DAZAP1: variants seen among roughly 807,000 people sequenced by gnomAD.
The protein encoded by DAZAP1 is DAZ-associated protein 1.
Under a neutral mutation model 60.1 loss-of-function variants are expected in DAZAP1, and 6 were observed. That is an observed-to-expected ratio of 0.10 (90% confidence interval 0.05 to 0.20). The LOEUF (loss-of-function observed/expected upper bound fraction) is 0.20. Ranked by LOEUF, DAZAP1 falls within the 10% of genes least tolerant of loss-of-function variation. The pLI, the probability that DAZAP1 is intolerant of heterozygous loss-of-function variation, is 1.00. For synonymous variants in DAZAP1, 235 were observed against 215.9 expected, an observed-to-expected ratio of 1.09 and a Z score of -0.78; for missense variants, 366 against 560.4, an observed-to-expected ratio of 0.65 and a Z score of 3.50.
intron 1 of DAZAP1, among the ~76,000 whole-genome samples, chr19:1,415,389 G>GTTT (rs111300304): frequency 7.8e-6 from 1 of 127,580 alleles, no homozygotes; most frequent in African/African-American, 3.0e-5. Flanking sequence ...GTGTGTGTGT[G>GTTT]TTTTGTTTTT....
At chr19:1,431,118 TTTTA>T (rs1009417068) in intron 10 of DAZAP1, among the ~76,000 whole-genome samples, 1 of 151,288 alleles carries the variant, frequency 6.6e-6, no homozygotes, top group Non-Finnish European at 1.5e-5. Flanking sequence ...TTTTATTTTA[TTTTA>T]TTTATTTATT....
chr19:1,422,482 T>G lies in DAZAP1; in HGVS notation c.463+86T>G. The G allele has an allele frequency of 7.4e-7, 1 of 1,357,106 alleles. No individual in the cohort carries two copies. Among genetic ancestry groups the G allele is most frequent in the Non-Finnish European group, 1.0e-6 (1 of 957,416 alleles). The allele number at this position is 1,357,106 out of a possible 1,614,324, so 84.1% of individuals were successfully genotyped here. ...ATCTCACCCGCCAGGCACACACAGG[T>G]GGCGGCTGTAGCAAACAGCCTCAGG... On this transcript the variant is annotated intron_variant, in intron 6 of 11. Transcript: ENST00000233078. This position sits in a 1 kb window ranked among gnomAD's most constrained non-coding sequence, Gnocchi z 4.5.
At position 1,421,151 on chromosome 19, in the gene DAZAP1, A is replaced by C; in HGVS notation, c.307A>C (p.Lys103Gln). The C allele has an allele frequency of 6.2e-7, 1 of 1,614,092 alleles. No individual in the cohort carries two copies. The highest frequency in any genetic ancestry group is 8.5e-7 in the Non-Finnish European group (1 of 1,179,946). ...ERTRPKEGWQKGPRSDNSKSN... is the reference protein window; with the variant it reads ...ERTRPKEGWQQGPRSDNSKSN... Reference sequence around the variant, plus strand: ...CTATCCTTCCCTTCTTCAACAGCAGAAAGGACCCAGGAGCGATAACAGTAA... The same window carrying C: ...CTATCCTTCCCTTCTTCAACAGCAGCAAGGACCCAGGAGCGATAACAGTAA... Residue 103 changes from lysine to glutamine, a missense_variant, in exon 5 of 12, where the codon AAA (lysine) becomes CAA (glutamine). Coordinates refer to ENST00000233078, the MANE Select transcript of DAZAP1 (RefSeq NM_018959.4).
rs569903875 is a variant in DAZAP1, at chr19:1,432,325, C to G, written c.872-189C>G. Reference sequence around the variant, plus strand: ...GCCACGCTCCCAGGAGTGTGTGTTTCCTGGGGGGAGCGGCCCGGGACCGTG... The same window carrying G: ...GCCACGCTCCCAGGAGTGTGTGTTTGCTGGGGGGAGCGGCCCGGGACCGTG... On this transcript the variant is annotated intron_variant, in intron 10 of 11. Coordinates refer to ENST00000233078, the MANE Select transcript of DAZAP1 (RefSeq NM_018959.4). This position sits in a 1 kb window ranked among gnomAD's most constrained non-coding sequence, Gnocchi z 4.9. The G allele has an allele frequency of 1.7e-5, 11 of 649,676 alleles. No homozygotes were observed. Among genetic ancestry groups the G allele is most frequent in the Non-Finnish European group, 3.0e-5 (11 of 368,386 alleles). The allele number at this position is 649,676 out of a possible 1,614,324, so 40.2% of individuals were successfully genotyped here.
At chr19:1,408,301 G>A (rs1317393871) in intron 1 of DAZAP1, among the ~76,000 whole-genome samples, 1 of 151,838 alleles carries the variant, frequency 6.6e-6, no homozygotes, top group Non-Finnish European at 1.5e-5. Context: ...CCTGGCCTGG[G>A]GGACCCCGAA....
At chr19:1,431,295 A>AT (rs1270488608) in intron 10 of DAZAP1, among the ~76,000 whole-genome samples, 1 of 143,004 alleles carries the variant, frequency 7.0e-6, no homozygotes, top group African/African-American at 2.6e-5. Context: ...CGCCTGGCTA[A>AT]TTTTTTTGTA....
intron 1 of DAZAP1, 171 bp from the exon 2 acceptor site, chr19:1,417,329 A>G (rs1328359426): frequency 1.4e-6 from 1 of 727,814 alleles, no homozygotes; most frequent in Admixed American, 2.5e-5. Context: ...TGCAGACAGC[A>G]TGGGCGAGGC....
intron 1 of DAZAP1, chr19:1,409,686 G>C (rs991389883): frequency 4.1e-5 from 5 of 122,658 alleles, no homozygotes; most frequent in Admixed American, 3.0e-4. Flanking sequence ...GTGTGGAGTT[G>C]TTGTGTGCGT....
At chr19:1,421,828 C>T (rs1231227953) in intron 5 of DAZAP1, among the ~76,000 whole-genome samples, 1 of 152,164 alleles carries the variant, frequency 6.6e-6, no homozygotes, top group Admixed American at 6.5e-5. Flanking sequence ...GTACTGCGCA[C>T]GTTCATCAGG....
chr19:1,415,211 C>T (rs1600194590), intron 1 of DAZAP1, among the ~76,000 whole-genome samples: 1 of 152,154 alleles, frequency 6.6e-6, no homozygotes, highest in Middle Eastern at 3.4e-3. Context: ...CGAGTTCCTT[C>T]TGCCAGTGAG....
intron 10 of DAZAP1, among the ~76,000 whole-genome samples, chr19:1,431,137 GT>G (rs978810273): frequency 4.2e-5 from 6 of 144,118 alleles, no homozygotes; most frequent in East Asian, 2.1e-4. Flanking sequence ...TTTATTTATG[GT>G]TTTTTTTTGA....
chr19:1,429,512 CGAGTTGTG>C (rs1157786523), intron 8 of DAZAP1, among the ~76,000 whole-genome samples: 1 of 152,186 alleles, frequency 6.6e-6, no homozygotes, highest in Non-Finnish European at 1.5e-5. Flanking sequence ...CAGCCCGACC[CGAGTTGTG>C]GGTCAGGGTT....
At position 1,433,310 on chromosome 19, in the gene DAZAP1, G is replaced by T; in HGVS notation, c.1048+620G>T. Reference sequence around the variant, plus strand: ...CTGCACTGAGCCAGGAGTCACAGCAGCCTTGCTCAGGACCAACGCGGTGGC... The same window carrying T: ...CTGCACTGAGCCAGGAGTCACAGCATCCTTGCTCAGGACCAACGCGGTGGC... On this transcript the variant is annotated intron_variant, in intron 11 of 11. Transcript: ENST00000233078. The surrounding 1 kb of genome is among the most constrained non-coding windows in gnomAD (Gnocchi z 6.1). 1 of 227,864 alleles carries T rather than the reference G, an allele frequency of 4.4e-6. No homozygotes were observed. Among genetic ancestry groups the T allele is most frequent in the East Asian group, 1.3e-4 (1 of 7,756 alleles). The allele number at this position is 227,864 out of a possible 1,614,324, so 14.1% of individuals were successfully genotyped here. A position where few individuals can be genotyped will look rare whatever the true frequency, so the allele number is the denominator to read the frequency against.
rs1366933706 is a variant in DAZAP1 at position 1,416,123 on chromosome 19, C to T, written c.30-1377C>T. The T allele has an allele frequency of 2.0e-5, 3 of 152,212 alleles. No individual in the cohort carries two copies. Among genetic ancestry groups the T allele is most frequent in the Non-Finnish European group, 4.4e-5 (3 of 68,062 alleles). 9.4% of individuals were successfully genotyped at this position (152,212 alleles called of 1,614,324 possible). A position where few individuals can be genotyped will look rare whatever the true frequency, so the allele number is the denominator to read the frequency against. On this transcript the variant is annotated intron_variant, in intron 1 of 11. Coordinates refer to ENST00000233078, the MANE Select transcript of DAZAP1 (RefSeq NM_018959.4). This position sits in a 1 kb window ranked among gnomAD's most constrained non-coding sequence, Gnocchi z 4.3. ...GATGAGAGGTGATGAGTGTGCCAGCCACCTTGCAGGGGTCTTTCCTGGCGA... is the reference window on the plus strand; with the variant it reads ...GATGAGAGGTGATGAGTGTGCCAGCTACCTTGCAGGGGTCTTTCCTGGCGA...
At chr19:1,427,251 T>G (rs975531772) in intron 7 of DAZAP1, 14 of 152,412 alleles carry the variant, frequency 9.2e-5, no homozygotes, top group African/African-American at 3.4e-4. Context: ...GAAAGCGTGG[T>G]CTTGATATAC....
chr19:1,424,235 G>A (rs956969243), intron 6 of DAZAP1, among the ~76,000 whole-genome samples: 8 of 151,706 alleles, frequency 5.3e-5, no homozygotes, highest in Non-Finnish European at 8.8e-5. Context: ...CCGCTGCCTC[G>A]TTCGCCTCTC....
chr19:1,432,135 T>C lies in DAZAP1; in HGVS notation c.872-379T>C. On this transcript the variant is annotated intron_variant, in intron 10 of 11. Coordinates refer to ENST00000233078, the MANE Select transcript of DAZAP1 (RefSeq NM_018959.4). The surrounding 1 kb of genome is among the most constrained non-coding windows in gnomAD (Gnocchi z 4.9). Reference sequence around the variant, plus strand: ...GCACGTCAGGATGCTCCCTTGCCTGTGCTGGCAGCTTCCTAAACATGGGGA... The same window carrying C: ...GCACGTCAGGATGCTCCCTTGCCTGCGCTGGCAGCTTCCTAAACATGGGGA... The C allele has an allele frequency of 3.7e-6, 1 of 268,874 alleles. No homozygotes were observed. The highest frequency in any genetic ancestry group is 7.2e-6 in the Non-Finnish European group (1 of 138,776). The allele number at this position is 268,874 out of a possible 1,614,324, so 16.7% of individuals were successfully genotyped here. A position where few individuals can be genotyped will look rare whatever the true frequency, so the allele number is the denominator to read the frequency against.
intron 1 of DAZAP1, among the ~76,000 whole-genome samples, chr19:1,412,926 G>A (rs77154300): frequency 0.015 from 2,306 of 152,250 alleles, 57 homozygotes; most frequent in African/African-American, 0.053. Flanking sequence ...CTCGTCCCAC[G>A]CCTCCCCCAC....
chr19:1,429,601 G>A (rs1030540258), intron 8 of DAZAP1, among the ~76,000 whole-genome samples: 5 of 152,186 alleles, frequency 3.3e-5, no homozygotes, highest in Non-Finnish European at 7.4e-5. Flanking sequence ...TTTCTCTGGA[G>A]CCTCCCTTGT....
Sources: gnomAD v4.1 joint callset for allele counts (sites outside exome capture counted in the v4.1 genomes callset) on GRCh38, gnomAD v4.1.1 for gene constraint, Gnocchi (gnomAD v3.1) non-coding constraint, MANE v1.5 for transcripts, NCBI Gene and HGNC (gene_info 2026-07-23, HGNC 2026-07-21) for gene names.